SPIDR: variants seen among roughly 807,000 people sequenced by gnomAD.
SPIDR encodes DNA repair-scaffolding protein.
A neutral mutation model predicts 104.6 loss-of-function variants in SPIDR; 93 were observed. The ratio of observed to expected loss-of-function variants is 0.89; its 90% CI spans 0.75 to 1.06. The LOEUF (loss-of-function observed/expected upper bound fraction) is 1.06. SPIDR is among the 50% of genes least tolerant of loss of function. The probability of loss-of-function intolerance (pLI) is 0.00; values close to 1 mark genes in which losing one functional copy is unlikely to be tolerated. For synonymous variants in SPIDR, 431 were observed against 416.9 expected (o/e 1.03, Z -0.41); for missense variants, 1,154 against 1,111.2 (o/e 1.04, Z -0.55).
At chr8:47,731,945 C>A (rs371593177) in intron 19 of SPIDR, among the ~76,000 whole-genome samples, 2 of 152,222 alleles carry the variant, frequency 1.3e-5, no homozygotes, top group African/African-American at 4.8e-5. Context: ...CGAACCAAAA[C>A]CCACAACCTC....
At chr8:47,276,074 T>C (rs1467383846) in intron 1 of SPIDR, among the ~76,000 whole-genome samples, 1 of 152,198 alleles carries the variant, frequency 6.6e-6, no homozygotes, top group African/African-American at 2.4e-5. Flanking sequence ...TTCCCCAGGC[T>C]GGTCTCAAAC....
intron 11 of SPIDR, among the ~76,000 whole-genome samples, chr8:47,686,889 A>G (rs1287744980): frequency 2.0e-5 from 3 of 152,072 alleles, no homozygotes; most frequent in Non-Finnish European, 4.4e-5. Flanking sequence ...AACTAGGAGT[A>G]TTAAATCCAT....
chr8:47,509,769 G>A (rs984158634), intron 8 of SPIDR, among the ~76,000 whole-genome samples: 7 of 152,270 alleles, frequency 4.6e-5, no homozygotes, highest in Non-Finnish European at 7.4e-5. Context: ...GGTCTACAAC[G>A]TATATCTCTT....
intron 8 of SPIDR, among the ~76,000 whole-genome samples, chr8:47,576,303 C>T (rs1000282257): frequency 4.6e-5 from 7 of 152,186 alleles, no homozygotes; most frequent in African/African-American, 1.7e-4. Flanking sequence ...AGGCACATGC[C>T]ACCACACCCA....
intron 8 of SPIDR, chr8:47,511,024 C>T: frequency 1.3e-6 from 1 of 782,582 alleles, no homozygotes; most frequent in South Asian, 1.4e-5. Context: ...AGGCAGCTGC[C>T]TGGGCAGTTA....
rs183028468 is a variant in SPIDR, at chr8:47,670,935, G to T, written c.1545-2866G>T. On this transcript the variant is annotated intron_variant, in intron 10 of 19. Coordinates refer to ENST00000297423, the MANE Select transcript of SPIDR (RefSeq NM_001080394.4). ...ATTTTATTTGTTTTTTTGAGACAGG[G>T]TCTCACTGTGCCACCCAGGCTGGAG... is the stretch of plus-strand genomic sequence containing the variant. Among the ~76,000 whole-genome samples the T allele has an allele frequency of 5.3e-5, 8 of 152,100 alleles. No individual in the cohort carries two copies. In the East Asian group the frequency reaches 1.4e-3, roughly 26 times the overall value.
At chr8:47,616,160 AT>A (rs1463865863) in intron 10 of SPIDR, among the ~76,000 whole-genome samples, 1 of 152,066 alleles carries the variant, frequency 6.6e-6, no homozygotes, top group African/African-American at 2.4e-5. Flanking sequence ...TTTTTTATTT[AT>A]TTCTTTTTCT....
rs185281773 is a variant in SPIDR, at chr8:47,489,114, C to G, written c.1097+48572C>G. Among the ~76,000 whole-genome samples the G allele has an allele frequency of 1.4e-3, 218 of 152,224 alleles. 1 individual carries two copies. In the East Asian group the frequency reaches 0.026, roughly 18 times the overall value. ...ATATTTAGAAAACCCCATCGTCTCA[C>G]CCCAAAATCTCCTTAAGCTGATAAG... On this transcript the variant is annotated intron_variant, in intron 8 of 19. Transcript: ENST00000297423.
At chr8:47,466,547 C>T (rs1586183055) in intron 8 of SPIDR, among the ~76,000 whole-genome samples, 1 of 152,058 alleles carries the variant, frequency 6.6e-6, no homozygotes, top group African/African-American at 2.4e-5. Context: ...ATTTGTGGCA[C>T]TAAACACTCA....
intron 6 of SPIDR, among the ~76,000 whole-genome samples, chr8:47,403,815 C>G (rs2154318671): frequency 6.6e-6 from 1 of 152,294 alleles, no homozygotes; most frequent in African/African-American, 2.4e-5. Flanking sequence ...CCCCATCAAG[C>G]TACCAATGAC....
chr8:47,381,858 G>T (rs1342900895), intron 5 of SPIDR, among the ~76,000 whole-genome samples: 1 of 152,238 alleles, frequency 6.6e-6, no homozygotes, highest in Non-Finnish European at 1.5e-5. Context: ...TATGAGTCAA[G>T]TGAAGTTTTA....
chr8:47,413,301 A>G (rs921093684), intron 7 of SPIDR, among the ~76,000 whole-genome samples: 4 of 152,254 alleles, frequency 2.6e-5, no homozygotes, highest in Middle Eastern at 3.2e-3. Context: ...TCTTAGAGAC[A>G]TTCCAGTCCA....
chr8:47,350,014 C>G (rs1185334772), intron 5 of SPIDR, among the ~76,000 whole-genome samples: 1 of 152,212 alleles, frequency 6.6e-6, no homozygotes, highest in African/African-American at 2.4e-5. Flanking sequence ...AACCCGGTAC[C>G]TCCTTTGGAA....
chr8:47,635,611 G>A (rs1257082241), intron 10 of SPIDR, among the ~76,000 whole-genome samples: 1 of 152,194 alleles, frequency 6.6e-6, no homozygotes, highest in Non-Finnish European at 1.5e-5. Flanking sequence ...CCATCTATCA[G>A]GAGGCTGAGG....
intron 19 of SPIDR, among the ~76,000 whole-genome samples, chr8:47,734,423 C>T (rs1589652348): frequency 6.6e-6 from 1 of 152,286 alleles, no homozygotes; most frequent in Non-Finnish European, 1.5e-5. Flanking sequence ...GCTTTGGCCA[C>T]GTTGTCTGGC....
intron 5 of SPIDR, among the ~76,000 whole-genome samples, chr8:47,360,134 C>T (rs1329476587): frequency 1.4e-5 from 2 of 142,796 alleles, no homozygotes; most frequent in Non-Finnish European, 3.0e-5. Flanking sequence ...CCCAGCTACT[C>T]GGGAGGCTGA....
At chr8:47,487,215 A>T (rs555978565) in intron 8 of SPIDR, among the ~76,000 whole-genome samples, 4 of 152,168 alleles carry the variant, frequency 2.6e-5, no homozygotes, top group African/African-American at 9.7e-5. Context: ...CTAGTCTCTC[A>T]TGAAACAGAC....
At chr8:47,591,426 CTATTTATT>C (rs151285704) in intron 8 of SPIDR, among the ~76,000 whole-genome samples, 20,247 of 149,518 alleles carry the variant, frequency 0.14, 1,941 homozygotes, top group African/African-American at 0.25. Flanking sequence ...CTTTCCCTCC[CTATTTATT>C]TATTTATTTA....
intron 8 of SPIDR, among the ~76,000 whole-genome samples, chr8:47,584,135 T>C (rs1464702412): frequency 1.3e-5 from 2 of 151,094 alleles, no homozygotes; most frequent in Non-Finnish European, 3.0e-5. Flanking sequence ...ATAGATCATA[T>C]CATATTTAGT....
Sources: gnomAD v4.1 joint callset for allele counts (sites outside exome capture counted in the v4.1 genomes callset) on GRCh38, gnomAD v4.1.1 for gene constraint, MANE v1.5 for transcripts, NCBI Gene and HGNC (gene_info 2026-07-23, HGNC 2026-07-21) for gene names.